Variants in LRBA observed in about 807,000 individuals in gnomAD.
LRBA encodes LPS responsive beige-like anchor protein, also known as lipopolysaccharide-responsive and beige-like anchor protein.
In LRBA, 176 loss-of-function variants were observed where a neutral mutation model predicts 330.0. The observed-to-expected ratio is 0.53, with a 90% CI of 0.47 to 0.60. The LOEUF is 0.60. LRBA is among the 20% of genes least tolerant of loss of function. LRBA has a pLI of 0.00. For missense variants in LRBA, 3,259 were observed against 3,444.8 expected (o/e 0.95, Z 1.35); for synonymous variants, 1,230 against 1,193.0 (o/e 1.03, Z -0.64).
intron 40 of LRBA, among the ~76,000 whole-genome samples, chr4:150,562,530 G>C (rs1768501824): frequency 6.6e-6 from 1 of 152,152 alleles, no homozygotes. Flanking sequence ...TAAATGTTTA[G>C]AGGACAGAGG....
intron 2 of LRBA, among the ~76,000 whole-genome samples, chr4:150,951,023 C>T (rs745326231): frequency 2.8e-4 from 43 of 152,180 alleles, no homozygotes; most frequent in Admixed American, 1.3e-3. Context: ...AGGCTTCCAG[C>T]AGATATGTTC....
intron 37 of LRBA, among the ~76,000 whole-genome samples, chr4:150,681,315 A>G (rs1303576034): frequency 1.3e-5 from 2 of 152,236 alleles, no homozygotes; most frequent in East Asian, 3.8e-4. Context: ...GCCTCATACA[A>G]GGGAAATCAG....
At chr4:150,376,911 C>CTA (rs1334514697) in intron 47 of LRBA, among the ~76,000 whole-genome samples, 12 of 151,842 alleles carry the variant, frequency 7.9e-5, no homozygotes. Flanking sequence ...TGAAATTTCC[C>CTA]TATATATAAA....
chr4:150,505,369 T>C (rs1019307269), intron 40 of LRBA, among the ~76,000 whole-genome samples: 5 of 152,092 alleles, frequency 3.3e-5, no homozygotes, highest in African/African-American at 1.2e-4. Context: ...ACAGAAATTA[T>C]AACAAACTGT....
At chr4:150,564,655 T>C (rs1768887027) in intron 40 of LRBA, among the ~76,000 whole-genome samples, 1 of 151,952 alleles carries the variant, frequency 6.6e-6, no homozygotes, top group South Asian at 2.1e-4. Flanking sequence ...AGGGCTAATA[T>C]CCAGAATCTA....
At position 150,801,878 on chromosome 4, in the gene LRBA, AAC is replaced by A. The variant is rs372607900; in HGVS notation, c.5519-3738_5519-3737del. ...AGACTGCAAGTTTATACTTTCTTAA[AAC>A]ACAGTGCAGGCAGAGTGCAGTGGCT... On this transcript the variant is annotated intron_variant, in intron 33 of 56. Coordinates refer to ENST00000651943, the MANE Select transcript of LRBA (RefSeq NM_001364905.1). Among the ~76,000 whole-genome samples the A allele has an allele frequency of 4.6e-3, 695 of 152,164 alleles. 6 individuals carry two copies. Among genetic ancestry groups the A allele is most frequent in the African/African-American group, 0.016 (664 of 41,508 alleles).
rs529551119 is a variant in LRBA, at chr4:150,366,389, TTCAAC to T, written c.7195-16235_7195-16231del. Among the ~76,000 whole-genome samples, 81 of 152,362 alleles carry T rather than the reference TTCAAC, an allele frequency of 5.3e-4. No individual in the cohort carries two copies. The South Asian group carries it at 0.016, about 30-fold the overall frequency. The stretch of plus-strand genomic sequence containing the variant: ...TAGAATGTCTACCACTGTAGTTAAA[TTCAAC>T]TCATAGGATGCAGTTATAGGTCAGA... On this transcript the variant is annotated intron_variant, in intron 47 of 56. Coordinates refer to ENST00000651943, the MANE Select transcript of LRBA (RefSeq NM_001364905.1).
At chr4:150,571,649 G>GTTTTTTTTTTTTTTTTTTT in intron 40 of LRBA, among the ~76,000 whole-genome samples, 1 of 74,592 alleles carries the variant, frequency 1.3e-5, no homozygotes, top group Non-Finnish European at 2.5e-5. Context: ...CTGGTTAGTT[G>GTTTTTTTTTTTTTTTTTTT]TTTTTTTTTT....
At chr4:150,360,061 C>T (rs573236190) in intron 47 of LRBA, among the ~76,000 whole-genome samples, 12 of 152,062 alleles carry the variant, frequency 7.9e-5, no homozygotes, top group African/African-American at 2.7e-4. Context: ...AACAAAATCA[C>T]CCCAAGGATT....
At chr4:150,725,617 T>C (rs1176497676) in intron 36 of LRBA, among the ~76,000 whole-genome samples, 3 of 152,180 alleles carry the variant, frequency 2.0e-5, no homozygotes, top group East Asian at 1.9e-4. Context: ...GACAAGGATG[T>C]TCATGAGCAA....
At chr4:150,597,851 G>A (rs761323143) in intron 38 of LRBA, among the ~76,000 whole-genome samples, 1 of 152,068 alleles carries the variant, frequency 6.6e-6, no homozygotes. Flanking sequence ...AGTTGAAGAT[G>A]TAGGGCCATG....
At chr4:150,953,395 C>T (rs909263709) in intron 2 of LRBA, among the ~76,000 whole-genome samples, 3 of 139,688 alleles carry the variant, frequency 2.1e-5, no homozygotes, top group South Asian at 2.7e-4. Context: ...CCTCTTTGCA[C>T]GGTCTCCCTC....
At chr4:150,529,147 T>A (rs796505991) in intron 40 of LRBA, among the ~76,000 whole-genome samples, 5 of 152,328 alleles carry the variant, frequency 3.3e-5, no homozygotes, top group African/African-American at 1.2e-4. Context: ...AGTGACTCTG[T>A]TTATGGATCC....
intron 17 of LRBA, among the ~76,000 whole-genome samples, chr4:150,881,092 G>A (rs1728327891): frequency 6.6e-6 from 1 of 152,168 alleles, no homozygotes; most frequent in African/African-American, 2.4e-5. Flanking sequence ...AGTTAGTTCA[G>A]CCTCTGTGGA....
chr4:150,326,682 C>T lies in LRBA; in HGVS notation c.7363-784G>A, dbSNP rs376904958. On this transcript the variant is annotated intron_variant, in intron 48 of 56. Transcript: ENST00000651943. ...GTTTACTTGTTTATATCTGTTTCTTCCCAGTAAAATACAAAAGCCATGAAA... is the reference window on the plus strand; with the variant it reads ...GTTTACTTGTTTATATCTGTTTCTTTCCAGTAAAATACAAAAGCCATGAAA... 4.6e-5 allele frequency among the ~76,000 whole-genome samples: 7 copies of T among 152,280 alleles called. No homozygotes were observed. In the East Asian group the frequency reaches 7.7e-4, roughly 17 times the overall value.
At chr4:150,533,556 T>C (rs971493528) in intron 40 of LRBA, among the ~76,000 whole-genome samples, 1 of 152,154 alleles carries the variant, frequency 6.6e-6, no homozygotes, top group Non-Finnish European at 1.5e-5. Flanking sequence ...TTGAAGGGCA[T>C]GTGTGTCAGC....
chr4:151,003,029 T>C (rs1743561562), intron 2 of LRBA, among the ~76,000 whole-genome samples: 1 of 115,910 alleles, frequency 8.6e-6, no homozygotes, highest in South Asian at 2.7e-4. Flanking sequence ...AAAATATGTG[T>C]GTGTGTATGT....
chr4:150,591,728 G>T (rs533601423), intron 38 of LRBA, among the ~76,000 whole-genome samples: 1 of 152,216 alleles, frequency 6.6e-6, no homozygotes, highest in African/African-American at 2.4e-5. Context: ...CTATGACAAG[G>T]CAGCAACTGC....
chr4:150,556,934 G>C (rs552915018), intron 40 of LRBA, among the ~76,000 whole-genome samples: 1 of 152,222 alleles, frequency 6.6e-6, no homozygotes, highest in South Asian at 2.1e-4. Flanking sequence ...CGCAAAAATA[G>C]GGCTGCCACA....
Sources: gnomAD v4.1 joint callset for allele counts (sites outside exome capture counted in the v4.1 genomes callset) on GRCh38, gnomAD v4.1.1 for gene constraint, MANE v1.5 for transcripts, NCBI Gene and HGNC (gene_info 2026-07-23, HGNC 2026-07-21) for gene names.